VWDE: variants seen among roughly 807,000 people sequenced by gnomAD.
VWDE encodes von Willebrand factor D and EGF domain-containing protein.
In VWDE, 207 loss-of-function variants were observed where a neutral mutation model predicts 178.4. The observed-to-expected ratio is 1.16, with a 90% confidence interval of 1.04 to 1.30. The LOEUF is 1.30. Among genes scored for constraint, VWDE ranks in the 50% most tolerant of loss-of-function variants. VWDE has a pLI of 0.00. For synonymous variants in VWDE, 738 were observed against 651.4 expected (o/e 1.13, Z -2.02); for missense variants, 2,287 against 1,901.3 (o/e 1.20, Z -3.77).
Position 12,380,737 on chromosome 7 carries a change from G to T in VWDE, c.542-4C>A. ...GGCAATGAGGCAGCCAGCTGACCTG[G>T]GGAGAAAATGCATAATTTGTAACTG... On this transcript the variant is annotated splice_polypyrimidine_tract_variant and splice_region_variant and intron_variant, in intron 4 of 28. Coordinates refer to ENST00000275358, the MANE Select transcript of VWDE (RefSeq NM_001135924.3). The T allele has an allele frequency of 1.3e-6, 2 of 1,550,848 alleles. No individual in the cohort carries two copies. Among genetic ancestry groups the T allele is most frequent in the Non-Finnish European group, 1.7e-6 (2 of 1,146,580 alleles).
At chr7:12,335,504 G>A (rs891217995) in intron 27 of VWDE, among the ~76,000 whole-genome samples, 10 of 151,790 alleles carry the variant, frequency 6.6e-5, no homozygotes, top group South Asian at 6.2e-4. Flanking sequence ...CGCCCAGGCC[G>A]GAGTGCAGTG....
intron 19 of VWDE, among the ~76,000 whole-genome samples, chr7:12,351,201 C>T (rs1321540391): frequency 6.6e-6 from 1 of 152,234 alleles, no homozygotes; most frequent in East Asian, 1.9e-4. Context: ...TAAGAAAGCA[C>T]TATGACACAG....
intron 4 of VWDE, among the ~76,000 whole-genome samples, chr7:12,382,519 A>G (rs978079784): frequency 1.3e-5 from 2 of 151,852 alleles, no homozygotes; most frequent in Non-Finnish European, 3.0e-5. Context: ...CAGAGTGATA[A>G]ATTTTGAGGA....
intron 12 of VWDE, among the ~76,000 whole-genome samples, chr7:12,368,643 T>C (rs1377364205): frequency 1.3e-5 from 2 of 152,122 alleles, no homozygotes; most frequent in Admixed American, 1.3e-4. Flanking sequence ...TTGTGGACTT[T>C]ACTCTGAAGG....
At chr7:12,344,028 A>G (rs1781467126) in intron 21 of VWDE, among the ~76,000 whole-genome samples, 167 bp downstream of exon 21, 1 of 152,110 alleles carries the variant, frequency 6.6e-6, no homozygotes, top group African/African-American at 2.4e-5. Context: ...AGAATCTTTG[A>G]ATAAATTATA....
In VWDE at chr7:12,361,187, T is replaced by G; in HGVS notation, c.3119A>C (p.Gln1040Pro). The G allele has an allele frequency of 6.5e-7, 1 of 1,547,100 alleles. No homozygotes were observed. Among genetic ancestry groups the G allele is most frequent in the African/African-American group, 1.4e-5 (1 of 73,038 alleles). ...KITVIYDGAC[Q>P]VCGLYKNDSC... The stretch of plus-strand genomic sequence containing the variant: ...GTCATTTTTATAGAGACCACAAACT[T>G]GGCAAGCACCATCATATATGACCGT... Residue 1040 changes from glutamine (Q) to proline (P), a missense_variant, in exon 15 of 29, where the codon CAA becomes CCA. Transcript: ENST00000275358.
At chr7:12,346,621 G>C (rs1282691603) in intron 19 of VWDE, among the ~76,000 whole-genome samples, 1 of 150,914 alleles carries the variant, frequency 6.6e-6, no homozygotes, top group Non-Finnish European at 1.5e-5. Flanking sequence ...TTTGGCGGGG[G>C]CGGGGGGGAT....
intron 2 of VWDE, among the ~76,000 whole-genome samples, chr7:12,393,372 A>G (rs997240375): frequency 2.6e-5 from 4 of 152,190 alleles, no homozygotes; most frequent in Non-Finnish European, 4.4e-5. Context: ...ACTTTTATAC[A>G]AGATATTGTC....
intron 19 of VWDE, among the ~76,000 whole-genome samples, chr7:12,348,611 C>A (rs1781748098): frequency 1.4e-5 from 2 of 148,044 alleles, no homozygotes; most frequent in South Asian, 4.3e-4. Flanking sequence ...AATAGGAACA[C>A]TTTTATATTG....
At chr7:12,338,127 GCTTT>G (rs1376006508) in intron 24 of VWDE, among the ~76,000 whole-genome samples, 35 of 151,956 alleles carry the variant, frequency 2.3e-4, no homozygotes, top group Middle Eastern at 3.2e-3. Flanking sequence ...ATTACTAGCT[GCTTT>G]CTTTATTTCC....
intron 3 of VWDE, among the ~76,000 whole-genome samples, chr7:12,385,861 A>G (rs10232185): frequency 0.03 from 4,521 of 152,238 alleles, 213 homozygotes; most frequent in African/African-American, 0.1. Flanking sequence ...GAGGACTTGA[A>G]TATGGAGATT....
intron 9 of VWDE, 91 bp downstream of exon 9, chr7:12,374,598 T>TA: frequency 2.2e-6 from 2 of 916,496 alleles, no homozygotes; most frequent in South Asian, 3.5e-5. Flanking sequence ...TGACTAGGAC[T>TA]AAAAAATTAT....
chr7:12,369,802 A>AT lies in VWDE; in HGVS notation c.2503dup (p.Ile835AsnfsTer13). 6.4e-7 allele frequency: 1 copy of AT among 1,551,524 alleles called. No individual in the cohort carries two copies. The stretch of plus-strand genomic sequence containing the variant: ...CAGAACATCCTTCACACACATCTCT[A>AT]TAACACTGTCTAATCTCTTGCCAAG... On this transcript the variant is annotated frameshift_variant, in exon 12 of 29. Transcript: ENST00000275358. LOFTEE classifies it high-confidence loss of function.
intron 7 of VWDE, among the ~76,000 whole-genome samples, chr7:12,376,599 TAAC>T (rs1174126462): frequency 2.6e-5 from 4 of 152,128 alleles, no homozygotes; most frequent in Admixed American, 2.0e-4. Context: ...AAAACATCAA[TAAC>T]ATCATCCTCT....
intron 27 of VWDE, among the ~76,000 whole-genome samples, chr7:12,335,472 T>C (rs989984559): frequency 1.3e-5 from 2 of 152,202 alleles, no homozygotes; most frequent in Non-Finnish European, 2.9e-5. Flanking sequence ...TACTTTTTTT[T>C]TGAGACGGAG....
chr7:12,344,784 C>T (rs73294385), intron 19 of VWDE, among the ~76,000 whole-genome samples: 2,375 of 152,058 alleles, frequency 0.016, 53 homozygotes, highest in African/African-American at 0.054. Flanking sequence ...AGAAACAATG[C>T]CTTTAAAATT....
chr7:12,342,216 T>A (rs1346242987), intron 22 of VWDE, 62 bp from the exon 23 acceptor site: 3 of 1,341,338 alleles, frequency 2.2e-6, no homozygotes, highest in Non-Finnish European at 3.1e-6. Flanking sequence ...TTGTTGGTTA[T>A]TATCTAGCTA....
At chr7:12,375,248 T>C in intron 7 of VWDE, 21 bp from the exon 8 acceptor site, 4 of 1,534,960 alleles carry the variant, frequency 2.6e-6, no homozygotes, top group Non-Finnish European at 3.5e-6. Flanking sequence ...AAAAAATAGG[T>C]TTAAAAATTT....
chr7:12,335,510 C>T (rs1780971061), intron 27 of VWDE, among the ~76,000 whole-genome samples: 1 of 151,946 alleles, frequency 6.6e-6, no homozygotes, highest in Admixed American at 6.6e-5. Context: ...GGCCGGAGTG[C>T]AGTGGCGCGA....
Sources: allele counts gnomAD v4.1 joint callset (sites outside exome capture counted in the v4.1 genomes callset), GRCh38; gene constraint gnomAD v4.1.1; transcripts MANE v1.5; gene names NCBI Gene and HGNC (gene_info 2026-07-23, HGNC 2026-07-21).